Variants in PALLD observed in about 807,000 individuals in gnomAD.
PALLD encodes palladin.
Under a neutral mutation model 123.5 loss-of-function variants are expected in PALLD, and 61 were observed. That is an observed-to-expected ratio of 0.49 (90% CI 0.40 to 0.61). The LOEUF (loss-of-function observed/expected upper bound fraction) is 0.61. Ranked by LOEUF, PALLD falls within the 20% of genes least tolerant of loss-of-function variation. The probability of loss-of-function intolerance (pLI) is 0.00; values close to 1 mark genes in which losing one functional copy is unlikely to be tolerated. For missense variants in PALLD, 1,273 were observed against 1,377.0 expected, an observed-to-expected ratio of 0.92 and a Z score of 1.20; for synonymous variants, 465 against 496.4, an observed-to-expected ratio of 0.94 and a Z score of 0.84.
chr4:168,689,399 G>A (rs1782391308), intron 6 of PALLD, among the ~76,000 whole-genome samples: 1 of 134,536 alleles, frequency 7.4e-6, no homozygotes, highest in Non-Finnish European at 1.6e-5. Context: ...GAGTTATTTT[G>A]AGAGTCCTAC....
chr4:168,923,752 C>T (rs531483946), intron 18 of PALLD, among the ~76,000 whole-genome samples: 8 of 152,182 alleles, frequency 5.3e-5, no homozygotes, highest in African/African-American at 9.6e-5. Context: ...TTTAAATTGC[C>T]CCCTTTAAAT....
At chr4:168,805,043 A>G (rs939131250) in intron 10 of PALLD, among the ~76,000 whole-genome samples, 6 of 152,000 alleles carry the variant, frequency 3.9e-5, no homozygotes, top group Admixed American at 1.3e-4. Context: ...CCTATAATCC[A>G]GCTACTCAGG....
intron 10 of PALLD, among the ~76,000 whole-genome samples, chr4:168,770,334 G>A (rs1329277184): frequency 2.0e-5 from 3 of 152,170 alleles, no homozygotes; most frequent in African/African-American, 7.2e-5. Context: ...GTGCTTTTGT[G>A]TGTACCCCTC....
intron 17 of PALLD, among the ~76,000 whole-genome samples, chr4:168,918,783 C>G (rs1760795982): frequency 6.6e-6 from 1 of 152,114 alleles, no homozygotes; most frequent in African/African-American, 2.4e-5. Flanking sequence ...GAATTACATA[C>G]AATTTTTATC....
intron 10 of PALLD, among the ~76,000 whole-genome samples, chr4:168,751,910 C>T (rs920799403): frequency 6.6e-6 from 1 of 152,110 alleles, no homozygotes; most frequent in Non-Finnish European, 1.5e-5. Context: ...TTTCACAAAA[C>T]CAAGGGAGAT....
rs1755775639 is a variant in PALLD at position 168,898,566 on chromosome 4, A to C, written c.2324A>C (p.Asp775Ala). The change falls in exon 14 of 22, where the codon GAT (aspartate) becomes GCT (alanine). Residue 775 changes from aspartate (D) to alanine (A), a missense_variant. Around this residue, in one of 2 missense-constraint regions of PALLD, gnomAD observed 944 missense variants for 954.5 expected, o/e 0.99. Coordinates refer to ENST00000505667, the MANE Select transcript of PALLD (RefSeq NM_001166108.2). The part of the protein sequence containing the change: ...IEYRLERSPV[D>A]ESGDEVQYGD... ...TACAGGCTAGAAAGGTCTCCTGTGG[A>C]TGAATCAGGTGATGAAGTTCAGTAT... The C allele has an allele frequency of 8.7e-6, 14 of 1,613,862 alleles. No homozygotes were observed. The highest frequency in any genetic ancestry group is 1.2e-5 in the Non-Finnish European group (14 of 1,179,700).
At chr4:168,696,326 T>C (rs909075956) in intron 8 of PALLD, among the ~76,000 whole-genome samples, 1 of 152,178 alleles carries the variant, frequency 6.6e-6, no homozygotes, top group African/African-American at 2.4e-5. Flanking sequence ...TGAAGGACTC[T>C]TCTCTGGGCA....
intron 10 of PALLD, among the ~76,000 whole-genome samples, chr4:168,714,861 A>G (rs1320507157): frequency 1.3e-5 from 2 of 152,174 alleles, no homozygotes; most frequent in Non-Finnish European, 1.5e-5. Flanking sequence ...TTTCAAAAAA[A>G]AAAAGAAAAC....
chr4:168,724,306 A>AT (rs1014813690), intron 10 of PALLD, among the ~76,000 whole-genome samples: 2 of 152,106 alleles, frequency 1.3e-5, no homozygotes, highest in African/African-American at 4.8e-5. Context: ...TAGGTTGACA[A>AT]TTTTTTTACC....
At chr4:168,880,882 A>C (rs1752515032) in intron 10 of PALLD, among the ~76,000 whole-genome samples, 1 of 152,214 alleles carries the variant, frequency 6.6e-6, no homozygotes, top group African/African-American at 2.4e-5. Flanking sequence ...CTTAAATGTA[A>C]ATTTCCAATA....
At chr4:168,864,772 C>T (rs1230717482) in intron 10 of PALLD, among the ~76,000 whole-genome samples, 2 of 152,202 alleles carry the variant, frequency 1.3e-5, no homozygotes, top group Admixed American at 1.3e-4. Context: ...GCTGTACACA[C>T]TATACTATAA....
intron 12 of PALLD, 53 bp from the exon 13 acceptor site, chr4:168,896,496 C>A: frequency 9.7e-7 from 1 of 1,026,048 alleles, no homozygotes; most frequent in Non-Finnish European, 1.5e-6. Flanking sequence ...AATCTTGCTG[C>A]ATTCTTATTA....
intron 1 of PALLD, among the ~76,000 whole-genome samples, chr4:168,499,468 T>C (rs1297221621): frequency 3.3e-5 from 5 of 152,152 alleles, no homozygotes; most frequent in Admixed American, 2.6e-4. Context: ...TTTCATAGTT[T>C]AGGTTTTATT....
chr4:168,830,721 A>G (rs745781784), intron 10 of PALLD, among the ~76,000 whole-genome samples: 1 of 152,244 alleles, frequency 6.6e-6, no homozygotes, highest in Non-Finnish European at 1.5e-5. Flanking sequence ...TTAATATTTT[A>G]CAGACATCGT....
In PALLD at chr4:168,807,319, T is replaced by G. The variant is rs185294855; in HGVS notation, c.1965-83603T>G. ...CACACACAGTGAATGATACTCAGTT[T>G]AACCTAATTCAACAAGCACTTCCTG... On this transcript the variant is annotated intron_variant, in intron 10 of 21. Transcript: ENST00000505667. Among the ~76,000 whole-genome samples the G allele has an allele frequency of 2.5e-3, 379 of 152,132 alleles. 1 individual carries two copies. Among genetic ancestry groups the G allele is most frequent in the Admixed American group, 4.3e-3 (66 of 15,272 alleles).
intron 10 of PALLD, among the ~76,000 whole-genome samples, chr4:168,855,649 C>T (rs1748502508): frequency 1.3e-5 from 2 of 152,192 alleles, no homozygotes; most frequent in Non-Finnish European, 2.9e-5. Flanking sequence ...GACAGTCAAT[C>T]TGCCAGTTGT....
intron 2 of PALLD, among the ~76,000 whole-genome samples, chr4:168,526,578 T>C (rs1380007008): frequency 6.6e-6 from 1 of 152,126 alleles, no homozygotes; most frequent in Non-Finnish European, 1.5e-5. Flanking sequence ...CTTCGTATCC[T>C]CAGGTAGGTC....
chr4:168,544,455 T>C (rs1427883205), intron 2 of PALLD, among the ~76,000 whole-genome samples: 1 of 152,258 alleles, frequency 6.6e-6, no homozygotes, highest in Non-Finnish European at 1.5e-5. Context: ...GGTGTATCCA[T>C]TAATGGAAAA....
intron 2 of PALLD, among the ~76,000 whole-genome samples, chr4:168,634,779 A>G (rs1229735907): frequency 1.3e-5 from 2 of 152,202 alleles, no homozygotes; most frequent in Non-Finnish European, 2.9e-5. Context: ...ATATTTTACT[A>G]CTTTATTGAG....
Sources: allele counts gnomAD v4.1 joint callset (sites outside exome capture counted in the v4.1 genomes callset), GRCh38; gene constraint gnomAD v4.1.1; regional missense constraint gnomAD v4.1.1; transcripts MANE v1.5; gene names NCBI Gene and HGNC (gene_info 2026-07-23, HGNC 2026-07-21).